MED24: variants seen among roughly 807,000 people sequenced by gnomAD.
MED24 encodes mediator complex subunit 24.
Under a neutral mutation model 118.8 loss-of-function variants are expected in MED24, and 74 were observed. That is an observed-to-expected ratio of 0.62 (90% CI 0.52 to 0.76). The LOEUF (loss-of-function observed/expected upper bound fraction) is 0.76, where lower values mean the gene tolerates loss of function less well. Among genes scored for constraint, MED24 ranks in the 30% least tolerant of loss-of-function variants. The probability of loss-of-function intolerance (pLI) is 0.00; values close to 1 mark genes in which losing one functional copy is unlikely to be tolerated. For missense variants in MED24, 1,041 were observed against 1,278.9 expected (o/e 0.81, Z 2.84); for synonymous variants, 521 against 523.9 (o/e 0.99, Z 0.08).
At chr17:40,023,485 G>T in intron 19 of MED24, 90 bp from the exon 20 acceptor site, 1 of 1,321,320 alleles carries the variant, frequency 7.6e-7, no homozygotes, top group East Asian at 2.3e-5. Flanking sequence ...CTTTCCCTTG[G>T]ACTTAGGTTA....
intron 3 of MED24, among the ~76,000 whole-genome samples, chr17:40,049,540 C>T (rs9303284): frequency 0.62 from 94,345 of 151,766 alleles, 29,539 homozygotes; most frequent in South Asian, 0.73. Flanking sequence ...ATTTATTTTA[C>T]TTTTTGAGAT....
chr17:40,022,402 C>G lies in MED24; in HGVS notation c.2515G>C (p.Asp839His). 6.2e-7 allele frequency: 1 copy of G among 1,608,678 alleles called. No individual in the cohort carries two copies. The highest frequency in any genetic ancestry group is 8.5e-7 in the Non-Finnish European group (1 of 1,177,746). The change falls in exon 22 of 26, where the codon GAC (aspartate) becomes CAC (histidine). Residue 839 changes from aspartate to histidine, a missense_variant. Physicochemically the swap from Asp to His is moderately conservative, Grantham distance 81 (BLOSUM62 -1). Coordinates refer to ENST00000394128, the MANE Select transcript of MED24 (RefSeq NM_014815.4). ...GCAGCTGGGGGGCCTACCTCAATGTCTTCGCGGTGTCTCTTCTTCTGGCGG... is the reference window on the plus strand; with the variant it reads ...GCAGCTGGGGGGCCTACCTCAATGTGTTCGCGGTGTCTCTTCTTCTGGCGG... ...STRQKKRHRE[D>H]IEDYISLFPL...
intron 3 of MED24, among the ~76,000 whole-genome samples, chr17:40,051,393 A>G (rs1985829650): frequency 6.6e-6 from 1 of 152,018 alleles, no homozygotes; most frequent in Non-Finnish European, 1.5e-5. Flanking sequence ...AGGCGGAAGG[A>G]TCACGAGGTC....
At chr17:40,052,923 C>T (rs1986001406) in intron 3 of MED24, among the ~76,000 whole-genome samples, 1 of 151,938 alleles carries the variant, frequency 6.6e-6, no homozygotes, top group East Asian at 1.9e-4. Flanking sequence ...ACAACTGCAC[C>T]CCAAATTGTG....
At chr17:40,031,987 C>T (rs780438978) in intron 10 of MED24, 56 bp downstream of exon 10, 273 of 1,572,964 alleles carry the variant, frequency 1.7e-4, no homozygotes, top group Non-Finnish European at 2.3e-4. Context: ...GCCTGAAGGA[C>T]CCTCCCCTTT....
At chr17:40,052,785 T>A (rs1985992110) in intron 3 of MED24, among the ~76,000 whole-genome samples, 1 of 150,760 alleles carries the variant, frequency 6.6e-6, no homozygotes, top group Non-Finnish European at 1.5e-5. Flanking sequence ...AATAAGTGAA[T>A]GTAATATTCA....
chr17:40,032,206 C>A (rs991529488), intron 9 of MED24, 116 bp from the exon 10 acceptor site: 3 of 1,216,130 alleles, frequency 2.5e-6, no homozygotes, highest in African/African-American at 1.5e-5. Context: ...ACACTCCTAC[C>A]CTGGGAGTGA....
chr17:40,031,304 G>A, intron 11 of MED24, 59 bp from the exon 12 acceptor site: 1 of 1,469,318 alleles, frequency 6.8e-7, no homozygotes, highest in South Asian at 1.2e-5. Context: ...TGAGGGGTGG[G>A]AGTGGCAGGT....
Position 40,050,609 on chromosome 17 carries a change from C to T in MED24, c.213+2689G>A, listed in dbSNP as rs191475611. On this transcript the variant is annotated intron_variant, in intron 3 of 25. Coordinates refer to ENST00000394128, the MANE Select transcript of MED24 (RefSeq NM_014815.4). ...CAGCCTGGGCGACAGAGCAATACTC[C>T]GTCTCAGTAAATAAAAAAAAAGTCA... Among the ~76,000 whole-genome samples the T allele has an allele frequency of 3.2e-3, 493 of 152,036 alleles. 3 individuals carry two copies. Among genetic ancestry groups the T allele is most frequent in the Non-Finnish European group, 3.5e-3 (235 of 67,996 alleles).
In MED24 at chr17:40,035,232, G is replaced by A. The variant is rs1466847183; in HGVS notation, c.444C>T (p.Ala148=). ...SAERLREGLE[A]GTPAAGEKQL... is the part of the protein sequence containing the mutation. ...GCTTCTCCCCAGCGGCTGGAGTGCC[G>A]GCCTCCAGCCCCTCCCGCAGCCGCT... is the stretch of plus-strand genomic sequence containing the variant. Residue 148 remains alanine, a synonymous_variant, in exon 6 of 26, where the codon GCC becomes GCT. Coordinates refer to ENST00000394128, the MANE Select transcript of MED24 (RefSeq NM_014815.4). 5.0e-6 allele frequency: 8 copies of A among 1,613,722 alleles called. No individual in the cohort carries two copies. In the Admixed American group the frequency reaches 6.7e-5, roughly 13 times the overall value.
chr17:40,029,050 T>C, intron 13 of MED24, 82 bp from the exon 14 acceptor site: 1 of 1,568,242 alleles, frequency 6.4e-7, no homozygotes, highest in East Asian at 2.3e-5. Context: ...ATTTTCTCTC[T>C]TCACAACCTG....
At chr17:40,048,662 T>C (rs1482987373) in intron 3 of MED24, among the ~76,000 whole-genome samples, 2 of 152,116 alleles carry the variant, frequency 1.3e-5, no homozygotes, top group Admixed American at 1.3e-4. Flanking sequence ...CAAGCGATTC[T>C]CCTGCCTCAG....
rs755861107 is a variant in MED24, at chr17:40,027,410, G to C, written c.1503C>G (p.Cys501Trp). The change falls in exon 16 of 26, where the codon TGC (cysteine) becomes TGG (tryptophan). Residue 501 changes from cysteine (C) to tryptophan (W), a missense_variant. Transcript: ENST00000394128. The part of the protein sequence containing the change: ...LLFDISFLML[C>W]HVAQTYGSEV... Reference sequence around the variant, plus strand: ...CTGAACCATAGGTCTGGGCCACATGGCACAGCATGAGGAAGGAGATGTCAA... The same window carrying C: ...CTGAACCATAGGTCTGGGCCACATGCCACAGCATGAGGAAGGAGATGTCAA... 6.2e-7 allele frequency: 1 copy of C among 1,613,722 alleles called. No individual in the cohort carries two copies. The highest frequency in any genetic ancestry group is 1.7e-5 in the Admixed American group (1 of 59,982).
At chr17:40,046,071 C>T (rs2144976743) in intron 3 of MED24, among the ~76,000 whole-genome samples, 1 of 150,476 alleles carries the variant, frequency 6.6e-6, no homozygotes, top group South Asian at 2.1e-4. Context: ...GCCATCACGC[C>T]CAGCCTCTAA....
chr17:40,053,769 C>T (rs1485934188), intron 1 of MED24, 134 bp from the exon 2 acceptor site: 2 of 1,169,990 alleles, frequency 1.7e-6, no homozygotes, highest in African/African-American at 1.5e-5. Context: ...AGAAAAAGAG[C>T]TAAAGGGATA....
intron 3 of MED24, among the ~76,000 whole-genome samples, chr17:40,050,104 T>C (rs1374526365): frequency 8.8e-5 from 12 of 136,554 alleles, no homozygotes; most frequent in Admixed American, 8.8e-4. Flanking sequence ...TGAGCCGAGA[T>C]CGCACCACTG....
intron 3 of MED24, among the ~76,000 whole-genome samples, chr17:40,043,106 A>C (rs1984731281): frequency 6.6e-6 from 1 of 152,120 alleles, no homozygotes; most frequent in African/African-American, 2.4e-5. Context: ...GTGCGCCACC[A>C]TCAGCTAATT....
intron 3 of MED24, among the ~76,000 whole-genome samples, chr17:40,052,123 T>C (rs559320419): frequency 6.6e-6 from 1 of 151,960 alleles, no homozygotes; most frequent in South Asian, 2.1e-4. Flanking sequence ...TGAAACCCTG[T>C]CTCTACTAAA....
intron 23 of MED24, 137 bp downstream of exon 23, chr17:40,021,818 G>A: frequency 4.7e-6 from 3 of 642,868 alleles, no homozygotes; most frequent in Non-Finnish European, 8.2e-6. Flanking sequence ...CCCCTTGGGG[G>A]CTAGAACAGC....
Sources: gnomAD v4.1 joint callset for allele counts (sites outside exome capture counted in the v4.1 genomes callset) on GRCh38, gnomAD v4.1.1 for gene constraint, MANE v1.5 for transcripts, NCBI Gene and HGNC (gene_info 2026-07-23, HGNC 2026-07-21) for gene names.